Variants in GPC5 observed in about 807,000 individuals in gnomAD.
GPC5 encodes the protein glypican 5.
In GPC5, 47 loss-of-function variants were observed where a neutral mutation model predicts 53.9. That is an observed-to-expected ratio of 0.87 (90% CI 0.69 to 1.11). The LOEUF is 1.11. Ranked by LOEUF, GPC5 falls within the 50% of genes most tolerant of loss-of-function variation. The probability of loss-of-function intolerance (pLI) is 0.00; values close to 1 mark genes in which losing one functional copy is unlikely to be tolerated. For missense variants in GPC5, 748 were observed against 713.1 expected (o/e 1.05, Z -0.56); for synonymous variants, 286 against 263.3 (o/e 1.09, Z -0.84).
chr13:92,523,747 C>G (rs550815245), intron 7 of GPC5, among the ~76,000 whole-genome samples: 1 of 151,224 alleles, frequency 6.6e-6, no homozygotes. Flanking sequence ...AATACTTACT[C>G]ATTATAGTCA....
chr13:92,171,014 G>A (rs2042066769), intron 7 of GPC5, among the ~76,000 whole-genome samples: 1 of 151,826 alleles, frequency 6.6e-6, no homozygotes, highest in African/African-American at 2.4e-5. Flanking sequence ...CTGTGTAGAA[G>A]CTGCTACACA....
intron 7 of GPC5, among the ~76,000 whole-genome samples, chr13:92,530,284 T>G (rs888944901): frequency 2.0e-5 from 3 of 152,084 alleles, no homozygotes; most frequent in African/African-American, 7.2e-5. Context: ...CACGCATTAG[T>G]TCAATTTAGA....
chr13:92,347,901 A>AT (rs1491166204), intron 7 of GPC5, among the ~76,000 whole-genome samples: 5 of 13,958 alleles, frequency 3.6e-4, no homozygotes, highest in African/African-American at 2.8e-3. Context: ...TTATATATAT[A>AT]ATATATATAT....
At chr13:91,571,793 G>GTA (rs2031808738) in intron 2 of GPC5, among the ~76,000 whole-genome samples, 1 of 129,660 alleles carries the variant, frequency 7.7e-6, no homozygotes, top group Non-Finnish European at 1.7e-5. Flanking sequence ...ATATACGTGT[G>GTA]TGTATATATA....
chr13:92,814,456 T>A (rs1877396336), intron 7 of GPC5, among the ~76,000 whole-genome samples: 1 of 151,550 alleles, frequency 6.6e-6, no homozygotes, highest in East Asian at 1.9e-4. Flanking sequence ...AGGTCAGGAG[T>A]TCGAGACCAG....
chr13:91,804,560 C>T (rs894683273), intron 5 of GPC5, among the ~76,000 whole-genome samples: 20 of 152,214 alleles, frequency 1.3e-4, no homozygotes, highest in Admixed American at 9.2e-4. Context: ...TGCTGTTAGC[C>T]ATCAAAAGGA....
intron 7 of GPC5, among the ~76,000 whole-genome samples, chr13:92,471,565 CTTAG>C (rs905419653): frequency 2.4e-4 from 36 of 152,056 alleles, no homozygotes; most frequent in African/African-American, 7.7e-4. Context: ...AGCAAGAAAA[CTTAG>C]TTAATTAGCT....
At chr13:92,503,935 A>G (rs1460728887) in intron 7 of GPC5, among the ~76,000 whole-genome samples, 13 of 151,926 alleles carry the variant, frequency 8.6e-5, no homozygotes, top group Non-Finnish European at 1.3e-4. Context: ...CATTTAAAGA[A>G]GAGTTATTTT....
At chr13:92,064,351 G>C (rs1478143001) in intron 6 of GPC5, among the ~76,000 whole-genome samples, 1 of 152,184 alleles carries the variant, frequency 6.6e-6, no homozygotes, top group African/African-American at 2.4e-5. Context: ...TCGCCCCCTA[G>C]AGTTTCTGAT....
intron 2 of GPC5, among the ~76,000 whole-genome samples, chr13:91,691,424 A>G (rs1594436449): frequency 1.3e-5 from 2 of 152,278 alleles, no homozygotes; most frequent in Admixed American, 6.5e-5. Context: ...ATGCTGGCTG[A>G]CATGATAGAG....
At chr13:91,973,886 C>G (rs1594698579) in intron 6 of GPC5, among the ~76,000 whole-genome samples, 1 of 152,306 alleles carries the variant, frequency 6.6e-6, no homozygotes, top group African/African-American at 2.4e-5. Flanking sequence ...AGGTGTCAGT[C>G]TGCCCCTACA....
chr13:92,563,150 T>G (rs1882749633), intron 7 of GPC5, among the ~76,000 whole-genome samples: 1 of 152,044 alleles, frequency 6.6e-6, no homozygotes, highest in Admixed American at 6.6e-5. Context: ...CAATTATTTC[T>G]TTCTGTTTCT....
chr13:92,165,676 G>A (rs972870332), intron 7 of GPC5, among the ~76,000 whole-genome samples: 2 of 152,126 alleles, frequency 1.3e-5, no homozygotes, highest in African/African-American at 2.4e-5. Context: ...ATTACAATTT[G>A]GATTACAATT....
intron 1 of GPC5, among the ~76,000 whole-genome samples, chr13:91,445,857 G>T (rs1247750858): frequency 1.3e-5 from 2 of 152,154 alleles, no homozygotes; most frequent in African/African-American, 2.4e-5. Flanking sequence ...AGCATAGAAA[G>T]TGGAACCATG....
chr13:92,477,288 C>A (rs1466202148), intron 7 of GPC5, among the ~76,000 whole-genome samples: 1 of 152,014 alleles, frequency 6.6e-6, no homozygotes, highest in Non-Finnish European at 1.5e-5. Context: ...TCCCACATAA[C>A]CTTATTCCAT....
At chr13:91,799,784 G>A (rs1224624640) in intron 5 of GPC5, among the ~76,000 whole-genome samples, 1 of 152,154 alleles carries the variant, frequency 6.6e-6, no homozygotes, top group Non-Finnish European at 1.5e-5. Flanking sequence ...TAGCTAACAT[G>A]ATTGCAGTTT....
At chr13:92,204,119 T>G (rs73627712) in intron 7 of GPC5, among the ~76,000 whole-genome samples, 3,481 of 152,202 alleles carry the variant, frequency 0.023, 124 homozygotes, top group African/African-American at 0.078. Context: ...AATGGGAGAA[T>G]TTGTTTCTAG....
chr13:91,979,569 A>G (rs1468762896), intron 6 of GPC5, among the ~76,000 whole-genome samples: 1 of 152,162 alleles, frequency 6.6e-6, no homozygotes, highest in Non-Finnish European at 1.5e-5. Flanking sequence ...TATGGGTGTA[A>G]TGTTTTCTGG....
At chr13:91,880,666 T>G (rs2039254488) in intron 5 of GPC5, among the ~76,000 whole-genome samples, 1 of 152,224 alleles carries the variant, frequency 6.6e-6, no homozygotes, top group Non-Finnish European at 1.5e-5. Flanking sequence ...GAAAATTACT[T>G]TTTATATATT....
Sources: gnomAD v4.1 joint callset for allele counts (sites outside exome capture counted in the v4.1 genomes callset) on GRCh38, gnomAD v4.1.1 for gene constraint, MANE v1.5 for transcripts, NCBI Gene and HGNC (gene_info 2026-07-23, HGNC 2026-07-21) for gene names.